Variants in SRPK2 observed in about 807,000 individuals in gnomAD.
The protein encoded by SRPK2 is SFRS protein kinase 2.
Under a neutral mutation model 90.8 loss-of-function variants are expected in SRPK2, and 21 were observed. The ratio of observed to expected loss-of-function variants is 0.23; its 90% CI spans 0.16 to 0.33. SRPK2 has a LOEUF of 0.33. Ranked by LOEUF, SRPK2 falls within the 10% of genes least tolerant of loss-of-function variation. SRPK2 has a pLI of 1.00. For missense variants in SRPK2, 620 were observed against 869.0 expected (o/e 0.71, Z 3.60); for synonymous variants, 288 against 311.1 (o/e 0.93, Z 0.78).
At chr7:105,332,540 G>T (rs897453208) in intron 2 of SRPK2, among the ~76,000 whole-genome samples, 1 of 152,100 alleles carries the variant, frequency 6.6e-6, no homozygotes, top group African/African-American at 2.4e-5. Context: ...AAGGTGGTTG[G>T]ATCACCTGAG....
intron 2 of SRPK2, among the ~76,000 whole-genome samples, chr7:105,373,610 C>G (rs2132492833): frequency 1.3e-5 from 2 of 152,130 alleles, no homozygotes; most frequent in South Asian, 4.1e-4. Flanking sequence ...GTCATGTTGG[C>G]CAGGCTGGTC....
At chr7:105,250,360 A>G (rs962052703) in intron 2 of SRPK2, among the ~76,000 whole-genome samples, 3 of 151,346 alleles carry the variant, frequency 2.0e-5, no homozygotes, top group African/African-American at 7.4e-5. Flanking sequence ...ACAAACAAAC[A>G]AACAAACATA....
chr7:105,325,881 C>A (rs553300144), intron 2 of SRPK2, among the ~76,000 whole-genome samples: 4 of 152,188 alleles, frequency 2.6e-5, no homozygotes, highest in African/African-American at 9.7e-5. Context: ...GAGAAGCCAA[C>A]AGGGTGAAGC....
rs1458382106 is a variant in SRPK2, at chr7:105,331,822, A to C, written c.71+56826T>G. Among the ~76,000 whole-genome samples, 4 of 152,308 alleles carry C rather than the reference A, an allele frequency of 2.6e-5. No individual in the cohort carries two copies. In the East Asian group the frequency reaches 7.7e-4, roughly 29 times the overall value. On this transcript the variant is annotated intron_variant, in intron 2 of 15. Coordinates refer to ENST00000393651, the MANE Select transcript of SRPK2 (RefSeq NM_182692.3). The stretch of plus-strand genomic sequence containing the variant: ...AGGGACCACAGATGGAACGGTCATG[A>C]AAGTCTCCAAGGCATGACATCAAAG...
intron 6 of SRPK2, among the ~76,000 whole-genome samples, chr7:105,164,433 T>C (rs1197084333): frequency 6.6e-6 from 1 of 152,184 alleles, no homozygotes; most frequent in Non-Finnish European, 1.5e-5. Flanking sequence ...CTTATTATCC[T>C]TATTTGGCTA....
rs987563646 is a variant in SRPK2 at position 105,214,217 on chromosome 7, C to G, written c.72-10432G>C. Among the ~76,000 whole-genome samples, 161 of 152,242 alleles carry G rather than the reference C, an allele frequency of 1.1e-3. 1 individual carries two copies. The highest frequency in any genetic ancestry group is 3.7e-3 in the African/African-American group (152 of 41,526). ...GCAGGCTCTAGATGCTGTAGCACTG[C>G]TCTAGGCATTTTTTTAAGGAGCATG... On this transcript the variant is annotated intron_variant, in intron 2 of 15. Coordinates refer to ENST00000393651, the MANE Select transcript of SRPK2 (RefSeq NM_182692.3).
intron 2 of SRPK2, among the ~76,000 whole-genome samples, chr7:105,363,747 C>T (rs931831762): frequency 4.6e-5 from 7 of 152,054 alleles, no homozygotes; most frequent in African/African-American, 1.2e-4. Flanking sequence ...TTTATTATTG[C>T]GGCACTATTC....
At chr7:105,234,108 T>G (rs1230402997) in intron 2 of SRPK2, among the ~76,000 whole-genome samples, 3 of 152,142 alleles carry the variant, frequency 2.0e-5, no homozygotes, top group African/African-American at 7.2e-5. Context: ...TTTAAACAGA[T>G]TCACATTAAG....
chr7:105,197,475 G>A (rs894271188), intron 3 of SRPK2, among the ~76,000 whole-genome samples: 1 of 152,142 alleles, frequency 6.6e-6, no homozygotes, highest in Admixed American at 6.5e-5. Flanking sequence ...TGCTCATGCC[G>A]ACATGCCTTC....
intron 2 of SRPK2, among the ~76,000 whole-genome samples, chr7:105,357,188 C>A (rs1269167349): frequency 1.3e-5 from 2 of 152,074 alleles, no homozygotes; most frequent in African/African-American, 2.4e-5. Flanking sequence ...AGGCGCCCAC[C>A]ACCACGCCTG....
intron 2 of SRPK2, among the ~76,000 whole-genome samples, chr7:105,216,669 A>G (rs114283650): frequency 0.04 from 6,008 of 149,132 alleles, 425 homozygotes; most frequent in African/African-American, 0.14. Flanking sequence ...AAAAAAAAAA[A>G]AGAGAGAGAG....
chr7:105,232,631 CAG>C (rs1799583257), intron 2 of SRPK2, among the ~76,000 whole-genome samples: 5 of 151,322 alleles, frequency 3.3e-5, no homozygotes, highest in African/African-American at 1.2e-4. Flanking sequence ...AAAACAGTAA[CAG>C]AAATATTCAC....
chr7:105,162,550 A>G (rs1283954530), intron 6 of SRPK2, among the ~76,000 whole-genome samples: 1 of 152,236 alleles, frequency 6.6e-6, no homozygotes. Flanking sequence ...TGAATATGCT[A>G]TATTAAAACA....
At chr7:105,238,161 A>G (rs1800358293) in intron 2 of SRPK2, among the ~76,000 whole-genome samples, 4 of 152,212 alleles carry the variant, frequency 2.6e-5, no homozygotes, top group Admixed American at 2.6e-4. Flanking sequence ...AACAAAATTA[A>G]CAATCATTTT....
intron 2 of SRPK2, among the ~76,000 whole-genome samples, chr7:105,309,485 CAT>C (rs1188409872): frequency 2.0e-5 from 3 of 152,302 alleles, no homozygotes; most frequent in East Asian, 3.9e-4. Flanking sequence ...TACACATACA[CAT>C]GAGTATCTGC....
chr7:105,243,798 T>C (rs1291073530), intron 2 of SRPK2, among the ~76,000 whole-genome samples: 2 of 152,112 alleles, frequency 1.3e-5, no homozygotes, highest in Admixed American at 6.5e-5. Flanking sequence ...CATAACACAA[T>C]AAGAATCTGC....
At chr7:105,318,286 G>A (rs746694975) in intron 2 of SRPK2, among the ~76,000 whole-genome samples, 2 of 151,880 alleles carry the variant, frequency 1.3e-5, no homozygotes, top group Non-Finnish European at 2.9e-5. Flanking sequence ...GTAGAGGCAG[G>A]GTTTCAGCAT....
intron 2 of SRPK2, among the ~76,000 whole-genome samples, chr7:105,218,386 G>A (rs1797711814): frequency 6.6e-6 from 1 of 152,186 alleles, no homozygotes; most frequent in African/African-American, 2.4e-5. Flanking sequence ...AGTAGGTCAG[G>A]AATGTAGCCT....
chr7:105,181,100 AATAAGC>A (rs1410799046), intron 3 of SRPK2, among the ~76,000 whole-genome samples: 8 of 152,222 alleles, frequency 5.3e-5, no homozygotes, highest in African/African-American at 1.7e-4. Context: ...ACATGCGGCC[AATAAGC>A]ATATAAAAAC....
Sources: allele counts gnomAD v4.1 joint callset (sites outside exome capture counted in the v4.1 genomes callset), GRCh38; gene constraint gnomAD v4.1.1; transcripts MANE v1.5; gene names NCBI Gene and HGNC (gene_info 2026-07-23, HGNC 2026-07-21).